Variants in CYB5B observed in about 807,000 individuals in gnomAD.
The protein encoded by CYB5B is cytochrome b5 type B (outer mitochondrial membrane).
A neutral mutation model predicts 21.3 loss-of-function variants in CYB5B; 14 were observed. The observed-to-expected ratio is 0.66, with a 90% CI of 0.43 to 1.03. The LOEUF is 1.03. CYB5B is among the 50% of genes least tolerant of loss of function. The pLI is 0.00. For synonymous variants in CYB5B, 69 were observed against 68.4 expected, an observed-to-expected ratio of 1.01 and a Z score of -0.04; for missense variants, 166 against 185.1, an observed-to-expected ratio of 0.90 and a Z score of 0.60.
intron 4 of CYB5B, among the ~76,000 whole-genome samples, chr16:69,461,095 G>A (rs923841546): frequency 3.3e-5 from 5 of 151,990 alleles, no homozygotes; most frequent in Admixed American, 6.6e-5. Context: ...GGTGGATCAC[G>A]AGGACGGGCT....
Position 69,464,995 on chromosome 16 carries a change from A to C in CYB5B, c.*2475A>C, listed in dbSNP as rs1401121091. On this transcript the variant is annotated 3_prime_UTR_variant, in exon 5 of 5. Transcript: ENST00000307892. ...AGAGTTTGCAGAGGTTTTTCTATAC[A>C]ATAAAGTAGTATAGCACACTAGCCA... 8 of 152,424 alleles carry C rather than the reference A, an allele frequency of 5.2e-5. No homozygotes were observed. 9.4% of individuals were successfully genotyped at this position (152,424 alleles called of 1,614,324 possible). A position where few individuals can be genotyped will look rare whatever the true frequency, so the allele number is the denominator to read the frequency against.
chr16:69,440,818 C>A (rs931901886), intron 1 of CYB5B, among the ~76,000 whole-genome samples: 60 of 146,890 alleles, frequency 4.1e-4, no homozygotes, highest in African/African-American at 1.5e-3. Context: ...ATTAGGGGAT[C>A]TCATTTGATT....
intron 3 of CYB5B, among the ~76,000 whole-genome samples, chr16:69,457,924 T>C (rs1332795329): frequency 6.6e-6 from 1 of 152,168 alleles, no homozygotes; most frequent in Non-Finnish European, 1.5e-5. Context: ...TGGAGATTAT[T>C]GAAAACGGTG....
At chr16:69,449,937 C>G (rs2014915745) in intron 3 of CYB5B, 1 of 152,172 alleles carries the variant, frequency 6.6e-6, no homozygotes, top group Non-Finnish European at 1.5e-5. Context: ...TTGAGCCATC[C>G]AGGTGCAGTG....
intron 4 of CYB5B, 123 bp downstream of exon 4, chr16:69,459,244 C>A: frequency 8.6e-7 from 1 of 1,166,810 alleles, no homozygotes; most frequent in Non-Finnish European, 1.2e-6. Flanking sequence ...TTTTTTGGCC[C>A]AAATCATTGC....
chr16:69,441,373 C>G (rs1264522283), intron 1 of CYB5B, among the ~76,000 whole-genome samples: 1 of 152,092 alleles, frequency 6.6e-6, no homozygotes, highest in African/African-American at 2.4e-5. Flanking sequence ...CCAGGATGGT[C>G]TCGGTCTCCT....
chr16:69,461,000 A>G lies in CYB5B; in HGVS notation c.363-1430A>G, dbSNP rs117054816. Reference sequence around the variant, plus strand: ...GATTATGTGAGGATTGGTGTCAACCATTCTCAGTCTTTTGTACTAAAGAAA... The same window carrying G: ...GATTATGTGAGGATTGGTGTCAACCGTTCTCAGTCTTTTGTACTAAAGAAA... On this transcript the variant is annotated intron_variant, in intron 4 of 4. Coordinates refer to ENST00000307892, the MANE Select transcript of CYB5B (RefSeq NM_030579.3). Among the ~76,000 whole-genome samples the G allele has an allele frequency of 5.9e-5, 9 of 152,278 alleles. No homozygotes were observed. The East Asian group carries it at 9.6e-4, about 16-fold the overall frequency.
In CYB5B at chr16:69,430,318, ACAAT is replaced by A. The variant is rs974986255; in HGVS notation, c.174+5463_174+5466del. On this transcript the variant is annotated intron_variant, in intron 1 of 4. Transcript: ENST00000307892. Reference sequence around the variant, plus strand: ...TGCAGCCTCTGCCTCCTGGGCTCAAACAATCCTCCGCCTCAGCCTCCCAGGTAGC... The same window carrying A: ...TGCAGCCTCTGCCTCCTGGGCTCAAACCTCCGCCTCAGCCTCCCAGGTAGC... Among the ~76,000 whole-genome samples, 9 of 151,852 alleles carry A rather than the reference ACAAT, an allele frequency of 5.9e-5. No homozygotes were observed. In the East Asian group the frequency reaches 1.6e-3, roughly 26 times the overall value.
chr16:69,429,723 G>GA (rs1567469959), intron 1 of CYB5B, among the ~76,000 whole-genome samples: 1 of 152,164 alleles, frequency 6.6e-6, no homozygotes, highest in Non-Finnish European at 1.5e-5. Context: ...GGGAATGAAA[G>GA]AAAAATGAGT....
At position 69,462,524 on chromosome 16, in the gene CYB5B, G is replaced by A. The variant is rs200320532; in HGVS notation, c.*4G>A. 1.4e-4 allele frequency: 218 copies of A among 1,613,266 alleles called. No homozygotes were observed. Among genetic ancestry groups the A allele is most frequent in the Non-Finnish European group, 1.8e-4 (209 of 1,179,344 alleles). On this transcript the variant is annotated 3_prime_UTR_variant, in exon 5 of 5. Coordinates refer to ENST00000307892, the MANE Select transcript of CYB5B (RefSeq NM_030579.3). Reference sequence around the variant, plus strand: ...ATCGGAAAGCAAATCCTCCTGAGGAGGCCTTGCTGAAGTTAGAAAGTGCAT... The same window carrying A: ...ATCGGAAAGCAAATCCTCCTGAGGAAGCCTTGCTGAAGTTAGAAAGTGCAT...
At chr16:69,436,461 T>C (rs2142812874) in intron 1 of CYB5B, among the ~76,000 whole-genome samples, 1 of 152,286 alleles carries the variant, frequency 6.6e-6, no homozygotes, top group South Asian at 2.1e-4. Context: ...TTTGCCTCTC[T>C]TAGGTGACAG....
chr16:69,448,015 A>G (rs999595018), intron 2 of CYB5B, 100 bp from the exon 3 acceptor site: 15 of 1,244,492 alleles, frequency 1.2e-5, no homozygotes, highest in African/African-American at 6.1e-5. Context: ...ATTCACTATC[A>G]CCAGAATATA....
intron 3 of CYB5B, among the ~76,000 whole-genome samples, chr16:69,457,811 T>C (rs1597287327): frequency 2.0e-5 from 3 of 152,236 alleles, no homozygotes; most frequent in Admixed American, 6.5e-5. Context: ...TTGGGGCATG[T>C]ATTCATTTGC....
intron 1 of CYB5B, among the ~76,000 whole-genome samples, chr16:69,431,139 C>T (rs1039762048): frequency 6.6e-6 from 1 of 151,984 alleles, no homozygotes; most frequent in Non-Finnish European, 1.5e-5. Context: ...GCTGGCACTA[C>T]AGGTCCCTCC....
chr16:69,455,357 C>T (rs2014973227), intron 3 of CYB5B, among the ~76,000 whole-genome samples: 1 of 151,626 alleles, frequency 6.6e-6, no homozygotes, highest in Non-Finnish European at 1.5e-5. Context: ...ACCCCCACAT[C>T]CTTTCTATGT....
At position 69,466,024 on chromosome 16, in the gene CYB5B, T is replaced by C. The variant is rs3743671; in HGVS notation, c.*3504T>C. 56,168 of 152,490 alleles carry C rather than the reference T, an allele frequency of 0.37. 11,018 individuals carry two copies. The highest frequency in any genetic ancestry group is 0.47 in the Admixed American group (7,122 of 15,278). 9.4% of individuals were successfully genotyped at this position (152,490 alleles called of 1,614,324 possible). ...TTCAGTAGCTGCTCTTTGCCCACGC[T>C]TGTATCCTACGTTTGCTATTTGGGC... On this transcript the variant is annotated 3_prime_UTR_variant, in exon 5 of 5. Transcript: ENST00000307892.
rs866377956 is a variant in CYB5B at position 69,461,168 on chromosome 16, G to A, written c.363-1262G>A. Among the ~76,000 whole-genome samples the A allele has an allele frequency of 2.7e-4, 40 of 150,696 alleles. No individual in the cohort carries two copies. In the Middle Eastern group the frequency reaches 0.01, roughly 39 times the overall value. Reference sequence around the variant, plus strand: ...TGCAGTGAGCCAAGATCGCGCCACCGCACTCCGGCCTGGGTGACAATGAGA... The same window carrying A: ...TGCAGTGAGCCAAGATCGCGCCACCACACTCCGGCCTGGGTGACAATGAGA... On this transcript the variant is annotated intron_variant, in intron 4 of 4. Transcript: ENST00000307892.
At chr16:69,435,984 C>T (rs2142812545) in intron 1 of CYB5B, among the ~76,000 whole-genome samples, 1 of 152,240 alleles carries the variant, frequency 6.6e-6, no homozygotes, top group African/African-American at 2.4e-5. Context: ...AAGAGTGGTT[C>T]CAAGTGGTTA....
intron 1 of CYB5B, among the ~76,000 whole-genome samples, chr16:69,429,195 A>G (rs1420412862): frequency 6.6e-6 from 1 of 152,142 alleles, no homozygotes; most frequent in Non-Finnish European, 1.5e-5. Flanking sequence ...GGTGAGTGTT[A>G]TAGCTCTTAA....
Sources: allele counts gnomAD v4.1 joint callset (sites outside exome capture counted in the v4.1 genomes callset), GRCh38; gene constraint gnomAD v4.1.1; transcripts MANE v1.5; gene names NCBI Gene and HGNC (gene_info 2026-07-23, HGNC 2026-07-21).